The following KIR3DL1 variants were observed in gnomAD, a reference collection of about 807,000 sequenced individuals.
KIR3DL1 encodes the protein killer cell immunoglobulin like receptor, three Ig domains and long cytoplasmic tail 1, also known as killer cell immunoglobulin-like receptor 3DL1.
A neutral mutation model predicts 40.3 loss-of-function variants in KIR3DL1; 50 were observed. The observed-to-expected ratio is 1.24, with a 90% CI of 0.99 to 1.57. The LOEUF (loss-of-function observed/expected upper bound fraction) is 1.57. Ranked by LOEUF, KIR3DL1 falls within the 40% of genes most tolerant of loss-of-function variation. The pLI, the probability that KIR3DL1 is intolerant of heterozygous loss-of-function variation, is 0.00. For synonymous variants in KIR3DL1, 257 were observed against 207.2 expected (o/e 1.24, Z -2.07); for missense variants, 661 against 559.9 (o/e 1.18, Z -1.82).
intron 4 of KIR3DL1, 24 bp from the exon 5 acceptor site, chr19:54,821,541 G>C: frequency 6.3e-7 from 1 of 1,596,686 alleles, no homozygotes; most frequent in Non-Finnish European, 8.5e-7. Flanking sequence ...ACCTCCCTGA[G>C]GAAACTGCCT....
chr19:54,827,035 G>C (rs955978657), intron 6 of KIR3DL1, among the ~76,000 whole-genome samples: 3 of 151,796 alleles, frequency 2.0e-5, no homozygotes, highest in East Asian at 1.9e-4. Flanking sequence ...GAATCTAGGA[G>C]ACAGTGGAAA....
At chr19:54,820,048 G>A (rs1356826053) in intron 4 of KIR3DL1, 36 bp downstream of exon 4, 16 of 1,591,160 alleles carry the variant, frequency 1.0e-5, no homozygotes, top group Non-Finnish European at 1.4e-5. Flanking sequence ...ATTGTCACTG[G>A]GACACAGAGT....
intron 5 of KIR3DL1, among the ~76,000 whole-genome samples, chr19:54,823,841 T>C (rs1412361624): frequency 1.3e-5 from 2 of 151,752 alleles, no homozygotes; most frequent in Non-Finnish European, 1.5e-5. Flanking sequence ...AATTTACATT[T>C]CTCTGATGAT....
intron 4 of KIR3DL1, among the ~76,000 whole-genome samples, chr19:54,820,257 G>A (rs1345435695): frequency 6.6e-6 from 1 of 151,434 alleles, no homozygotes; most frequent in African/African-American, 2.4e-5. Context: ...AGGTAAAGGA[G>A]ACACTCAGAC....
intron 1 of KIR3DL1, 92 bp from the exon 2 acceptor site, chr19:54,817,442 G>C: frequency 9.1e-7 from 1 of 1,097,336 alleles, no homozygotes; most frequent in Non-Finnish European, 1.4e-6. Flanking sequence ...GCCCAGCAAG[G>C]GCCTGGCTGC....
At chr19:54,825,556 G>T (rs1240450364) in intron 6 of KIR3DL1, among the ~76,000 whole-genome samples, 1 of 149,856 alleles carries the variant, frequency 6.7e-6, no homozygotes, top group Non-Finnish European at 1.5e-5. Flanking sequence ...CGCACACTTC[G>T]ACTCACTGAC....
intron 6 of KIR3DL1, among the ~76,000 whole-genome samples, chr19:54,827,406 C>T (rs1186334913): frequency 6.7e-6 from 1 of 150,044 alleles, no homozygotes; most frequent in African/African-American, 2.5e-5. Context: ...GCCTGGCCAA[C>T]ATGGAGAAAC....
At chr19:54,825,430 GA>G (rs200630133) in intron 6 of KIR3DL1, among the ~76,000 whole-genome samples, 27,019 of 148,696 alleles carry the variant, frequency 0.18, 2,759 homozygotes, top group South Asian at 0.31. Flanking sequence ...TGATGAGGGC[GA>G]GGTGTTTTAG....
rs375468097 is a variant in KIR3DL1 at position 54,819,854 on chromosome 19, G to A, written c.497G>A (p.Arg166His). The A allele has an allele frequency of 5.5e-5, 88 of 1,611,984 alleles. No homozygotes were observed. In the East Asian group the frequency reaches 5.8e-4, roughly 11 times the overall value. The change falls in exon 4 of 9, where the codon CGC becomes CAC. Residue 166 changes from arginine to histidine, a missense_variant. Coordinates refer to ENST00000391728, the Ensembl canonical transcript of KIR3DL1. ...GAGGGGATCTCTAAGGACCCCTCAC[G>A]CCTCGTTGGACAGATCCATGATGGG...
At chr19:54,822,550 C>G (rs587830) in intron 5 of KIR3DL1, among the ~76,000 whole-genome samples, 91,499 of 147,424 alleles carry the variant, frequency 0.62, 30,319 homozygotes, top group Non-Finnish European at 0.71. Context: ...AGCACTTAAA[C>G]CCAGGAGGCA....
At chr19:54,821,322 T>A (rs1174568740) in intron 4 of KIR3DL1, among the ~76,000 whole-genome samples, 2 of 149,934 alleles carry the variant, frequency 1.3e-5, no homozygotes, top group Non-Finnish European at 1.5e-5. Flanking sequence ...CCAAGGAGGG[T>A]CAGAGAGAAT....
intron 6 of KIR3DL1, among the ~76,000 whole-genome samples, chr19:54,827,810 G>A (rs2061982553): frequency 1.3e-5 from 2 of 150,610 alleles, no homozygotes; most frequent in East Asian, 1.9e-4. Context: ...AAATGTGAAA[G>A]CCCGCTGAAT....
chr19:54,822,049 C>T (rs1246732832), intron 5 of KIR3DL1, among the ~76,000 whole-genome samples, 191 bp downstream of exon 5: 1 of 150,884 alleles, frequency 6.6e-6, no homozygotes, highest in Non-Finnish European at 1.5e-5. Flanking sequence ...TGGAGGCCTC[C>T]GATCAGGGCT....
At chr19:54,826,424 C>A (rs895216221) in intron 6 of KIR3DL1, among the ~76,000 whole-genome samples, 6 of 147,936 alleles carry the variant, frequency 4.1e-5, no homozygotes, top group Non-Finnish European at 8.9e-5. Context: ...AAGTGATTCT[C>A]CTGCCTCACC....
At chr19:54,820,223 C>T (rs1236709069) in intron 4 of KIR3DL1, among the ~76,000 whole-genome samples, 1 of 151,384 alleles carries the variant, frequency 6.6e-6, no homozygotes, top group Middle Eastern at 3.2e-3. Flanking sequence ...AGGGGCCATA[C>T]AGGGAGGTAG....
intron 6 of KIR3DL1, 149 bp from the exon 7 acceptor site, chr19:54,829,212 A>T: frequency 1.5e-6 from 1 of 672,364 alleles, no homozygotes; most frequent in Non-Finnish European, 2.5e-6. Flanking sequence ...TATAACTGAG[A>T]AAGCAGGAGG....
At chr19:54,820,321 C>T (rs2061571620) in intron 4 of KIR3DL1, among the ~76,000 whole-genome samples, 1 of 151,468 alleles carries the variant, frequency 6.6e-6, no homozygotes, top group Non-Finnish European at 1.5e-5. Context: ...TGCTCAGAGA[C>T]CTGGCACAGG....
chr19:54,821,763 C>T, exon 5 of KIR3DL1: 2 of 1,607,866 alleles, frequency 1.2e-6, no homozygotes, highest in East Asian at 2.2e-5. Flanking sequence ...CTGGGCCCTG[C>T]CACCCACGGA....
chr19:54,818,705 TG>T, intron 3 of KIR3DL1, 106 bp downstream of exon 3: 1 of 1,452,112 alleles, frequency 6.9e-7, no homozygotes, highest in Non-Finnish European at 9.2e-7. Flanking sequence ...TGACTGTATT[TG>T]GGGTCAAGGG....
Sources: allele counts gnomAD v4.1 joint callset (sites outside exome capture counted in the v4.1 genomes callset), GRCh38; gene constraint gnomAD v4.1.1; transcripts MANE v1.5; gene names NCBI Gene and HGNC (gene_info 2026-07-23, HGNC 2026-07-21).